STX8: variants seen among roughly 807,000 people sequenced by gnomAD.
STX8 encodes the protein syntaxin-8.
STX8 carries 23 observed loss-of-function variants against 37.5 expected under a neutral mutation model. That is an observed-to-expected ratio of 0.61 (90% confidence interval 0.44 to 0.87). The LOEUF (loss-of-function observed/expected upper bound fraction) is 0.87. Ranked by LOEUF, STX8 falls within the 40% of genes least tolerant of loss-of-function variation. The pLI is 0.00. For synonymous variants in STX8, 115 were observed against 99.1 expected, an observed-to-expected ratio of 1.16 and a Z score of -0.95; for missense variants, 313 against 284.7, an observed-to-expected ratio of 1.10 and a Z score of -0.71.
At chr17:9,450,134 A>C (rs1189588743) in intron 6 of STX8, among the ~76,000 whole-genome samples, 1 of 151,840 alleles carries the variant, frequency 6.6e-6, no homozygotes, top group East Asian at 1.9e-4. Context: ...GCTAGAGTGC[A>C]GTGGTGCGAT....
intron 5 of STX8, among the ~76,000 whole-genome samples, chr17:9,498,497 T>C (rs963693873): frequency 2.0e-5 from 3 of 152,166 alleles, no homozygotes; most frequent in Non-Finnish European, 4.4e-5. Flanking sequence ...TTTATTTTTG[T>C]TTTAAGATTT....
intron 7 of STX8, among the ~76,000 whole-genome samples, chr17:9,333,488 C>T (rs532649849): frequency 9.2e-5 from 14 of 152,214 alleles, no homozygotes; most frequent in African/African-American, 3.1e-4. Flanking sequence ...CCCGGGTTCA[C>T]GCCATTCTCC....
At chr17:9,391,630 T>C (rs1912222712) in intron 6 of STX8, among the ~76,000 whole-genome samples, 1 of 150,918 alleles carries the variant, frequency 6.6e-6, no homozygotes, top group Admixed American at 6.6e-5. Flanking sequence ...CTGTTAACTT[T>C]TCTGTAGCTT....
At chr17:9,367,267 G>A (rs1265462014) in intron 7 of STX8, among the ~76,000 whole-genome samples, 2 of 151,720 alleles carry the variant, frequency 1.3e-5, no homozygotes, top group African/African-American at 4.8e-5. Flanking sequence ...CTTGGTAGGG[G>A]GCGGCTTCTC....
intron 7 of STX8, among the ~76,000 whole-genome samples, chr17:9,334,615 G>C (rs28410982): frequency 6.6e-6 from 1 of 152,102 alleles, no homozygotes; most frequent in Non-Finnish European, 1.5e-5. Flanking sequence ...TCCCAAAATG[G>C]TTGAAAGGAA....
At chr17:9,310,945 AGAG>A (rs1016180217) in intron 7 of STX8, among the ~76,000 whole-genome samples, 4 of 152,174 alleles carry the variant, frequency 2.6e-5, no homozygotes, top group African/African-American at 9.7e-5. Context: ...AGATTTTGAA[AGAG>A]GAGGAGTCGG....
intron 6 of STX8, among the ~76,000 whole-genome samples, chr17:9,468,437 T>C (rs181438627): frequency 1.3e-5 from 2 of 152,330 alleles, no homozygotes; most frequent in East Asian, 3.9e-4. Flanking sequence ...CAAGGATTAA[T>C]AAACATCTTA....
At chr17:9,392,041 A>G (rs2142305263) in intron 6 of STX8, among the ~76,000 whole-genome samples, 1 of 152,310 alleles carries the variant, frequency 6.6e-6, no homozygotes. Flanking sequence ...GACAGACCCA[A>G]ACAGTACTGG....
chr17:9,316,089 C>T (rs1484661931), intron 7 of STX8, among the ~76,000 whole-genome samples: 1 of 151,814 alleles, frequency 6.6e-6, no homozygotes, highest in Non-Finnish European at 1.5e-5. Context: ...CAGTTGACAC[C>T]CCTATAATGT....
At chr17:9,334,603 G>A (rs911703137) in intron 7 of STX8, among the ~76,000 whole-genome samples, 2 of 151,636 alleles carry the variant, frequency 1.3e-5, no homozygotes, top group African/African-American at 4.8e-5. Context: ...TGCAGGATAT[G>A]ATCCCAAAAT....
chr17:9,568,335 A>C (rs1486830111), intron 2 of STX8, 36 bp downstream of exon 2: 4 of 1,552,662 alleles, frequency 2.6e-6, no homozygotes, highest in Admixed American at 3.5e-5. Flanking sequence ...CAAAACTCAA[A>C]CAAATCATTG....
intron 7 of STX8, among the ~76,000 whole-genome samples, chr17:9,255,606 T>C (rs971438777): frequency 1.6e-4 from 25 of 151,956 alleles, no homozygotes; most frequent in African/African-American, 5.6e-4. Context: ...ACTTGAGTGA[T>C]GGACATCTTG....
chr17:9,310,601 C>T (rs1909157660), intron 7 of STX8, among the ~76,000 whole-genome samples: 1 of 151,958 alleles, frequency 6.6e-6, no homozygotes, highest in Non-Finnish European at 1.5e-5. Flanking sequence ...AGAGTGTGCA[C>T]CTGTTTTGGG....
intron 6 of STX8, among the ~76,000 whole-genome samples, chr17:9,403,859 G>T (rs915360467): frequency 9.2e-5 from 14 of 151,992 alleles, no homozygotes; most frequent in African/African-American, 3.4e-4. Context: ...TGTTGGCCAG[G>T]CTGGTCTCGA....
chr17:9,445,044 G>C (rs562728249), intron 6 of STX8, among the ~76,000 whole-genome samples: 2 of 151,340 alleles, frequency 1.3e-5, no homozygotes, highest in South Asian at 2.1e-4. Flanking sequence ...TGTGTAGTTC[G>C]AGTGGAGAAG....
At chr17:9,316,565 GGCAT>G (rs1436705207) in intron 7 of STX8, among the ~76,000 whole-genome samples, 2 of 152,188 alleles carry the variant, frequency 1.3e-5, no homozygotes, top group Non-Finnish European at 2.9e-5. Context: ...CTGCGAGGGT[GGCAT>G]GCCCAGAGAG....
At chr17:9,418,816 G>T (rs1435901762) in intron 6 of STX8, among the ~76,000 whole-genome samples, 3 of 95,176 alleles carry the variant, frequency 3.2e-5, no homozygotes, top group African/African-American at 1.2e-4. Context: ...GACAGAGCAA[G>T]ACTCCGTCTC....
chr17:9,425,279 G>A (rs28455872), intron 6 of STX8, among the ~76,000 whole-genome samples: 27,630 of 151,904 alleles, frequency 0.18, 3,037 homozygotes, highest in Middle Eastern at 0.27. Flanking sequence ...TCTCAGTAAC[G>A]TCACAAAAAT....
intron 5 of STX8, among the ~76,000 whole-genome samples, chr17:9,504,718 T>C (rs1429065530): frequency 6.6e-6 from 1 of 152,102 alleles, no homozygotes; most frequent in Non-Finnish European, 1.5e-5. Flanking sequence ...CTCACACCTG[T>C]AATCCCAGCA....
Sources: allele counts gnomAD v4.1 joint callset (sites outside exome capture counted in the v4.1 genomes callset), GRCh38; gene constraint gnomAD v4.1.1; transcripts MANE v1.5; gene names NCBI Gene and HGNC (gene_info 2026-07-23, HGNC 2026-07-21).